Variants in RPTOR observed in about 807,000 individuals in gnomAD.
RPTOR encodes regulatory associated protein of MTOR complex 1.
Under a neutral mutation model 169.9 loss-of-function variants are expected in RPTOR, and 21 were observed. The observed-to-expected ratio is 0.12, with a 90% confidence interval of 0.09 to 0.18. The LOEUF (loss-of-function observed/expected upper bound fraction) is 0.18. Among genes scored for constraint, RPTOR ranks in the 10% least tolerant of loss-of-function variants. The pLI is 1.00. For synonymous variants in RPTOR, 732 were observed against 753.2 expected, an observed-to-expected ratio of 0.97 and a Z score of 0.46; for missense variants, 1,133 against 1,855.9, an observed-to-expected ratio of 0.61 and a Z score of 7.16.
intron 27 of RPTOR, among the ~76,000 whole-genome samples, chr17:80,948,909 G>A (rs183794416): frequency 5.9e-5 from 9 of 152,264 alleles, no homozygotes; most frequent in South Asian, 2.1e-4. Context: ...CGTCTTAGGC[G>A]GAGAGCCCAG....
At chr17:80,603,391 C>T (rs1175452818) in intron 1 of RPTOR, among the ~76,000 whole-genome samples, 2 of 152,188 alleles carry the variant, frequency 1.3e-5, no homozygotes, top group Non-Finnish European at 2.9e-5. Flanking sequence ...ATTCAGGGAA[C>T]TGGGAAAGCA....
rs1340667214 is a variant in RPTOR at position 80,949,561 on chromosome 17, G to T, written c.3370+14G>T. ...CAACGACGCGAGGTGGGTCCGCCCGGCTCCTCCCCAGAGCAGAATGTGTTC... is the reference window on the plus strand; with the variant it reads ...CAACGACGCGAGGTGGGTCCGCCCGTCTCCTCCCCAGAGCAGAATGTGTTC... On this transcript the variant is annotated intron_variant, in intron 28 of 33. Coordinates refer to ENST00000306801, the MANE Select transcript of RPTOR (RefSeq NM_020761.3). 6.2e-7 allele frequency: 1 copy of T among 1,606,558 alleles called. No individual in the cohort carries two copies. The highest frequency in any genetic ancestry group is 1.7e-5 in the Admixed American group (1 of 60,000).
At chr17:80,826,471 C>T (rs1349646574) in intron 9 of RPTOR, among the ~76,000 whole-genome samples, 2 of 152,246 alleles carry the variant, frequency 1.3e-5, no homozygotes, top group Admixed American at 6.5e-5. Flanking sequence ...CAGCGGCACC[C>T]GGCCACTGTA....
chr17:80,888,741 G>A (rs2068279578), intron 17 of RPTOR, among the ~76,000 whole-genome samples: 1 of 152,244 alleles, frequency 6.6e-6, no homozygotes. Context: ...TCAGGCACGT[G>A]CCACGTGCCG....
At chr17:80,907,202 A>G (rs920798698) in intron 20 of RPTOR, among the ~76,000 whole-genome samples, 3 of 152,222 alleles carry the variant, frequency 2.0e-5, no homozygotes, top group African/African-American at 7.2e-5. Flanking sequence ...GTGGACTGGA[A>G]TCACACCTCA....
chr17:80,710,372 T>A (rs2066177971), intron 4 of RPTOR, among the ~76,000 whole-genome samples: 1 of 151,884 alleles, frequency 6.6e-6, no homozygotes, highest in Non-Finnish European at 1.5e-5. Flanking sequence ...GGGGACTGGG[T>A]GGGGAGCGGG....
At chr17:80,725,394 G>C (rs898174776) in intron 4 of RPTOR, among the ~76,000 whole-genome samples, 1 of 152,172 alleles carries the variant, frequency 6.6e-6, no homozygotes, top group Non-Finnish European at 1.5e-5. Context: ...TATGATTCTT[G>C]GAGAAAAAGA....
At chr17:80,902,284 T>C (rs2068485725) in intron 20 of RPTOR, among the ~76,000 whole-genome samples, 1 of 152,180 alleles carries the variant, frequency 6.6e-6, no homozygotes, top group Non-Finnish European at 1.5e-5. Context: ...GCCAAACCAT[T>C]GTCTGACATT....
At chr17:80,948,952 T>A (rs1185362931) in intron 27 of RPTOR, among the ~76,000 whole-genome samples, 2 of 152,132 alleles carry the variant, frequency 1.3e-5, no homozygotes, top group African/African-American at 4.8e-5. Context: ...TCAAGGCTAC[T>A]CTCTCTGTGG....
chr17:80,694,543 G>T (rs2066020331), intron 3 of RPTOR, among the ~76,000 whole-genome samples: 1 of 152,210 alleles, frequency 6.6e-6, no homozygotes, highest in Non-Finnish European at 1.5e-5. Context: ...TGACCAGGGT[G>T]GAGCCTCCCT....
At chr17:80,865,402 A>T (rs12939768) in intron 13 of RPTOR, among the ~76,000 whole-genome samples, 28,587 of 152,174 alleles carry the variant, frequency 0.19, 2,936 homozygotes, top group Non-Finnish European at 0.23. Context: ...GGCTACAAGC[A>T]ATGTACTTTT....
intron 13 of RPTOR, among the ~76,000 whole-genome samples, chr17:80,879,037 C>A (rs936675260): frequency 6.6e-6 from 1 of 152,126 alleles, no homozygotes; most frequent in Admixed American, 6.5e-5. Flanking sequence ...GCGGTGACTT[C>A]TCATCTTAGA....
At chr17:80,683,438 C>A (rs546395328) in intron 3 of RPTOR, among the ~76,000 whole-genome samples, 1 of 152,110 alleles carries the variant, frequency 6.6e-6, no homozygotes, top group African/African-American at 2.4e-5. Context: ...ATTAAGATGG[C>A]GTCCCCACAT....
At chr17:80,559,030 C>T (rs2084445721) in intron 1 of RPTOR, among the ~76,000 whole-genome samples, 1 of 152,186 alleles carries the variant, frequency 6.6e-6, no homozygotes, top group Admixed American at 6.5e-5. Context: ...CCACCACCAG[C>T]AGCCATCTCC....
chr17:80,838,012 G>A lies in RPTOR; in HGVS notation c.1212+15G>A, dbSNP rs2143674189. ...CTGCGTTTCGGGTGAGTCCCTCCAA[G>A]GGCACCCTGTGCATCCGCGGCGGCA... On this transcript the variant is annotated intron_variant, in intron 10 of 33. Coordinates refer to ENST00000306801, the MANE Select transcript of RPTOR (RefSeq NM_020761.3). 1.2e-6 allele frequency: 2 copies of A among 1,602,166 alleles called. No homozygotes were observed. Among genetic ancestry groups the A allele is most frequent in the Non-Finnish European group, 1.7e-6 (2 of 1,173,826 alleles).
At chr17:80,818,826 C>T (rs994052780) in intron 7 of RPTOR, among the ~76,000 whole-genome samples, 3 of 152,210 alleles carry the variant, frequency 2.0e-5, no homozygotes, top group Non-Finnish European at 4.4e-5. Context: ...TTTGTAAAAA[C>T]ACAACTAAGT....
chr17:80,838,678 C>A (rs1338895333), intron 10 of RPTOR, among the ~76,000 whole-genome samples: 1 of 152,194 alleles, frequency 6.6e-6, no homozygotes, highest in African/African-American at 2.4e-5. Flanking sequence ...CAAGAGGGCG[C>A]GGCAGACACG....
intron 7 of RPTOR, among the ~76,000 whole-genome samples, chr17:80,792,018 CT>C: frequency 6.6e-6 from 1 of 152,172 alleles, no homozygotes; most frequent in Non-Finnish European, 1.5e-5. Context: ...GTCAATGGCA[CT>C]TGCCTCCCAT....
intron 17 of RPTOR, among the ~76,000 whole-genome samples, chr17:80,890,480 C>T (rs2068307176): frequency 7.7e-6 from 1 of 130,602 alleles, no homozygotes; most frequent in Non-Finnish European, 1.6e-5. Flanking sequence ...AGAACCGGGG[C>T]GTGGGCCATG....
Sources: allele counts gnomAD v4.1 joint callset (sites outside exome capture counted in the v4.1 genomes callset), GRCh38; gene constraint gnomAD v4.1.1; transcripts MANE v1.5; gene names NCBI Gene and HGNC (gene_info 2026-07-23, HGNC 2026-07-21).